TRAPPC9: variants seen among roughly 807,000 people sequenced by gnomAD.
TRAPPC9 encodes IKK2 binding protein.
In TRAPPC9, 83 loss-of-function variants were observed where a neutral mutation model predicts 124.0. That is an observed-to-expected ratio of 0.67 (90% CI 0.56 to 0.80). The LOEUF (loss-of-function observed/expected upper bound fraction) is 0.80. Among genes scored for constraint, TRAPPC9 ranks in the 30% least tolerant of loss-of-function variants. TRAPPC9 has a pLI of 0.00. For missense variants in TRAPPC9, 1,302 were observed against 1,508.3 expected (o/e 0.86, Z 2.27); for synonymous variants, 638 against 617.5 (o/e 1.03, Z -0.49).
chr8:140,045,040 T>C lies in TRAPPC9; in HGVS notation c.2557-20961A>G, dbSNP rs528035618. Among the ~76,000 whole-genome samples the C allele has an allele frequency of 3.3e-5, 5 of 152,320 alleles. No individual in the cohort carries two copies. The South Asian group carries it at 8.3e-4, about 25-fold the overall frequency. ...GATGCAGAATGAAGGCATAGAACTT[T>C]ACCTCCAAAACCAGAGCCAAGTCAC... is the stretch of plus-strand genomic sequence containing the variant. On this transcript the variant is annotated intron_variant, in intron 17 of 22. Coordinates refer to ENST00000438773, the MANE Select transcript of TRAPPC9 (RefSeq NM_001160372.4).
intron 17 of TRAPPC9, among the ~76,000 whole-genome samples, chr8:140,102,387 T>G (rs972995041): frequency 6.6e-6 from 1 of 152,306 alleles, no homozygotes; most frequent in African/African-American, 2.4e-5. Flanking sequence ...AAATTGAAAT[T>G]CTTATAGATG....
chr8:140,372,755 A>G (rs1048039877), intron 7 of TRAPPC9, among the ~76,000 whole-genome samples: 8 of 152,220 alleles, frequency 5.3e-5, no homozygotes, highest in Non-Finnish European at 7.3e-5. Flanking sequence ...ACGGCGGTCT[A>G]TGAACAAGCA....
intron 19 of TRAPPC9, among the ~76,000 whole-genome samples, chr8:139,958,907 A>AGCCCT (rs1835175519): frequency 6.7e-6 from 1 of 149,756 alleles, no homozygotes; most frequent in African/African-American, 2.5e-5. Flanking sequence ...CACACAGGGG[A>AGCCCT]GCACTGCATT....
rs529746737 is a variant in TRAPPC9, at chr8:140,415,653, T to C, written c.887-9955A>G. On this transcript the variant is annotated intron_variant, in intron 5 of 22. Coordinates refer to ENST00000438773, the MANE Select transcript of TRAPPC9 (RefSeq NM_001160372.4). ...ACAAAAGCAGTGCATAGAGGGCAAT[T>C]TGTAGCTATAAATACTTACATTTTT... Among the ~76,000 whole-genome samples the C allele has an allele frequency of 2.0e-5, 3 of 151,978 alleles. No individual in the cohort carries two copies. The East Asian group carries it at 5.8e-4, about 30-fold the overall frequency.
At chr8:140,105,113 C>T (rs2060640574) in intron 17 of TRAPPC9, among the ~76,000 whole-genome samples, 1 of 152,206 alleles carries the variant, frequency 6.6e-6, no homozygotes, top group African/African-American at 2.4e-5. Flanking sequence ...TCCCCCAGGT[C>T]TCCCCTTTCC....
chr8:140,370,106 C>T (rs2068235785), intron 8 of TRAPPC9, among the ~76,000 whole-genome samples: 2 of 150,510 alleles, frequency 1.3e-5, no homozygotes, highest in Non-Finnish European at 2.9e-5. Flanking sequence ...TGTTTCCTAT[C>T]TAAAAGTAAC....
intron 5 of TRAPPC9, among the ~76,000 whole-genome samples, chr8:140,424,324 T>C (rs1035135771): frequency 1.3e-5 from 2 of 151,800 alleles, no homozygotes; most frequent in Admixed American, 1.3e-4. Context: ...TTGCTGAATG[T>C]ACACGAAATG....
At chr8:140,398,186 T>C (rs1272288695) in intron 6 of TRAPPC9, among the ~76,000 whole-genome samples, 1 of 152,264 alleles carries the variant, frequency 6.6e-6, no homozygotes, top group Non-Finnish European at 1.5e-5. Context: ...GTTAAACCTC[T>C]TTCTTTTGTA....
chr8:140,195,533 C>CGA, intron 17 of TRAPPC9, among the ~76,000 whole-genome samples: 2 of 151,092 alleles, frequency 1.3e-5, no homozygotes, highest in South Asian at 2.1e-4. Flanking sequence ...TGATCCACTA[C>CGA]ACAGCTTGCA....
rs191019067 is a variant in TRAPPC9, at chr8:139,825,447, C to T, written c.3055+60432G>A. Among the ~76,000 whole-genome samples the T allele has an allele frequency of 3.4e-3, 513 of 152,288 alleles. 1 individual carries two copies. Among genetic ancestry groups the T allele is most frequent in the African/African-American group, 0.012 (482 of 41,558 alleles). ...GTGGGCCCAGGAAGTGCTTCCCGGG[C>T]GCCGGATGGATGGGCACCAGGGCCA... On this transcript the variant is annotated intron_variant, in intron 21 of 22. Transcript: ENST00000438773. The surrounding 1 kb of genome is among the most constrained non-coding windows in gnomAD (Gnocchi z 4.6).
rs1260017017 is a variant in TRAPPC9 at position 139,731,199 on chromosome 8, G to A, written c.3309C>T (p.Leu1103=). ...AVQPSGQSAC[L]GALLFLYTGD... is the part of the protein sequence containing the mutation. ...CCGTGTAGAGGAAGAGGAGGGCCCC[G>A]AGGCAGGCCGACTGGCCGGACGGCT... Residue 1103 remains leucine, a synonymous_variant, in exon 23 of 23, where the codon CTC becomes CTT. Coordinates refer to ENST00000438773, the MANE Select transcript of TRAPPC9 (RefSeq NM_001160372.4). The A allele has an allele frequency of 5.6e-6, 9 of 1,613,622 alleles. No individual in the cohort carries two copies. Among genetic ancestry groups the A allele is most frequent in the East Asian group, 2.2e-5 (1 of 44,860 alleles).
chr8:139,887,107 G>C (rs567369287), intron 20 of TRAPPC9, among the ~76,000 whole-genome samples: 1 of 152,072 alleles, frequency 6.6e-6, no homozygotes, highest in Admixed American at 6.5e-5. Flanking sequence ...CTGCCCAAGA[G>C]AGCCCGCCGG....
At chr8:140,458,211 C>G, upstream of TRAPPC9, 2 of 1,550,330 alleles carry the variant, frequency 1.3e-6, no homozygotes, top group Admixed American at 2.0e-5. Context: ...AGAACAGAGA[C>G]TAGGAGGAAA....
chr8:140,357,321 C>G (rs1195889330), intron 9 of TRAPPC9, among the ~76,000 whole-genome samples: 1 of 152,074 alleles, frequency 6.6e-6, no homozygotes, highest in Non-Finnish European at 1.5e-5. Flanking sequence ...GTTCAAGATG[C>G]AGCAGACACA....
intron 21 of TRAPPC9, among the ~76,000 whole-genome samples, chr8:139,885,355 G>A (rs1010187214): frequency 2.0e-5 from 3 of 152,178 alleles, no homozygotes; most frequent in African/African-American, 4.8e-5. Context: ...TGAACACAAC[G>A]TTGAGTTGAG....
intron 17 of TRAPPC9, among the ~76,000 whole-genome samples, chr8:140,124,599 G>A (rs531411659): frequency 2.6e-5 from 4 of 152,282 alleles, no homozygotes; most frequent in African/African-American, 9.6e-5. Flanking sequence ...CATGTGCCCC[G>A]GCCATTCACA....
chr8:139,791,999 C>T (rs373073816), intron 21 of TRAPPC9, among the ~76,000 whole-genome samples: 189 of 152,120 alleles, frequency 1.2e-3, no homozygotes, highest in Non-Finnish European at 2.3e-3. Context: ...TTTCAGCACA[C>T]GTCACCTCCC....
intron 21 of TRAPPC9, among the ~76,000 whole-genome samples, chr8:139,839,499 C>T (rs771308259): frequency 7.2e-5 from 11 of 152,248 alleles, no homozygotes; most frequent in Admixed American, 1.3e-4. Context: ...GAAGAAATGG[C>T]GGGCTCAAGA....
chr8:140,325,076 C>T (rs1265055181), intron 9 of TRAPPC9, among the ~76,000 whole-genome samples: 1 of 152,040 alleles, frequency 6.6e-6, no homozygotes, highest in Non-Finnish European at 1.5e-5. Context: ...GCTGCAAATA[C>T]CTGAAAAGTA....
Sources: allele counts gnomAD v4.1 joint callset (sites outside exome capture counted in the v4.1 genomes callset), GRCh38; gene constraint gnomAD v4.1.1; non-coding constraint Gnocchi (gnomAD v3.1); transcripts MANE v1.5; gene names NCBI Gene and HGNC (gene_info 2026-07-23, HGNC 2026-07-21).